Variants in PFKFB3 observed in about 807,000 individuals in gnomAD.
PFKFB3 encodes the protein 6-phosphofructo-2-kinase/fructose-2,6-bisphosphatase 3.
A neutral mutation model predicts 68.0 loss-of-function variants in PFKFB3; 33 were observed. The ratio of observed to expected loss-of-function variants is 0.49; its 90% confidence interval spans 0.37 to 0.65. PFKFB3 has a LOEUF of 0.65. PFKFB3 is among the 30% of genes least tolerant of loss of function. The probability of loss-of-function intolerance (pLI) is 0.00; values close to 1 mark genes in which losing one functional copy is unlikely to be tolerated. For synonymous variants in PFKFB3, 315 were observed against 288.2 expected (o/e 1.09, Z -0.94); for missense variants, 586 against 712.2 (o/e 0.82, Z 2.02).
intron 13 of PFKFB3, chr10:6,224,617 A>G (rs1048849783): frequency 7.9e-6 from 3 of 377,574 alleles, no homozygotes; most frequent in African/African-American, 6.4e-5. Context: ...CGTAGCTGAG[A>G]CTACAGGTGC....
chr10:6,265,600 C>A, the PFKFB3 span, among the ~76,000 whole-genome samples: 2 of 152,088 alleles, frequency 1.3e-5, no homozygotes, highest in Admixed American at 6.6e-5. Context: ...CTGCCTCTTG[C>A]GGGTAATTAT....
At chr10:6,281,166 C>CATATATATATATATATATATATATATAT in the PFKFB3 span, among the ~76,000 whole-genome samples, 10 of 84,528 alleles carry the variant, frequency 1.2e-4, no homozygotes, top group African/African-American at 2.5e-4. Flanking sequence ...AGTATTCCAT[C>CATATATATATATATATATATATATATAT]ATATATATAT....
At chr10:6,300,143 G>A in the PFKFB3 span, among the ~76,000 whole-genome samples, 1 of 151,854 alleles carries the variant, frequency 6.6e-6, no homozygotes, top group Non-Finnish European at 1.5e-5. Context: ...TGGGTGCCTT[G>A]TTTGTCTCTT....
At chr10:6,293,849 C>T in the PFKFB3 span, 2 of 393,132 alleles carry the variant, frequency 5.1e-6, no homozygotes, top group South Asian at 2.3e-5. Flanking sequence ...AATCTCAGAC[C>T]AACCAATAAG....
the PFKFB3 span, among the ~76,000 whole-genome samples, chr10:6,322,906 G>T: frequency 2.4e-3 from 362 of 152,150 alleles, 2 homozygotes; most frequent in African/African-American, 8.5e-3. Flanking sequence ...CTTGTTTATT[G>T]TCAGTCTTTG....
intron 1 of PFKFB3, among the ~76,000 whole-genome samples, chr10:6,177,629 A>G (rs954364625): frequency 3.3e-5 from 5 of 149,520 alleles, no homozygotes; most frequent in African/African-American, 1.2e-4. Flanking sequence ...GGGTTCAAGC[A>G]ATTCTCCTGC....
chr10:6,224,356 C>G, intron 13 of PFKFB3, 143 bp downstream of exon 13: 1 of 706,520 alleles, frequency 1.4e-6, no homozygotes, highest in East Asian at 2.7e-5. Flanking sequence ...CCTTCCTCAG[C>G]ACCTCTTTGT....
At chr10:6,157,571 C>A (rs1249636662) in intron 1 of PFKFB3, among the ~76,000 whole-genome samples, 1 of 151,732 alleles carries the variant, frequency 6.6e-6, no homozygotes, top group African/African-American at 2.4e-5. Flanking sequence ...TGAACGTCAT[C>A]TGTTTATAAT....
At chr10:6,193,698 T>C (rs1477088536) in intron 1 of PFKFB3, among the ~76,000 whole-genome samples, 2 of 152,154 alleles carry the variant, frequency 1.3e-5, no homozygotes, top group Non-Finnish European at 1.5e-5. Flanking sequence ...TTGGTTCTTA[T>C]AGGTTTTGGG....
At chr10:6,287,083 T>C in the PFKFB3 span, among the ~76,000 whole-genome samples, 1 of 152,106 alleles carries the variant, frequency 6.6e-6, no homozygotes, top group African/African-American at 2.4e-5. Context: ...TATAATACTG[T>C]TTTTTTGTTT....
downstream of PFKFB3, among the ~76,000 whole-genome samples, chr10:6,257,979 A>G (rs10752259): frequency 0.94 from 142,825 of 152,062 alleles, 67,743 homozygotes; most frequent in East Asian, 1. Context: ...TATAGGGGTC[A>G]ACACCTAAAG....
Position 6,220,883 on chromosome 10 carries a change from G to T in PFKFB3, c.831+18G>T, listed in dbSNP as rs370851296. The T allele has an allele frequency of 6.2e-7, 1 of 1,606,640 alleles. No homozygotes were observed. Among genetic ancestry groups the T allele is most frequent in the African/African-American group, 1.3e-5 (1 of 75,028 alleles). ...GCAAGAAGGTGCGGGGTGTGCTGCC[G>T]CATGGGCCGTTCTGGCTGTAGGGCG... On this transcript the variant is annotated intron_variant, in intron 8 of 14. Coordinates refer to ENST00000379775, the MANE Select transcript of PFKFB3 (RefSeq NM_004566.4). The surrounding 1 kb of genome is among the most constrained non-coding windows in gnomAD (Gnocchi z 4.1).
intron 14 of PFKFB3, among the ~76,000 whole-genome samples, chr10:6,243,561 C>T (rs1846188032): frequency 6.6e-6 from 1 of 152,224 alleles, no homozygotes; most frequent in African/African-American, 2.4e-5. Context: ...TCCTGCAACG[C>T]TCCCCATAGA....
chr10:6,161,543 T>C (rs1588399011), intron 1 of PFKFB3, among the ~76,000 whole-genome samples: 1 of 151,872 alleles, frequency 6.6e-6, no homozygotes, highest in Admixed American at 6.6e-5. Flanking sequence ...TATACACACA[T>C]ATGTATATAT....
intron 6 of PFKFB3, 139 bp from the exon 7 acceptor site, chr10:6,219,430 C>A: frequency 1.1e-6 from 1 of 873,508 alleles, no homozygotes; most frequent in Non-Finnish European, 1.8e-6. Context: ...ATCTTTCTCC[C>A]TTTCTCTTAC....
chr10:6,305,002 G>T, the PFKFB3 span, among the ~76,000 whole-genome samples: 1 of 40,086 alleles, frequency 2.5e-5, no homozygotes, highest in East Asian at 1.3e-3. Flanking sequence ...AAAAATATTA[G>T]GAATTTTTTT....
chr10:6,147,176 A>ACAGC (rs1219581789), intron 1 of PFKFB3, among the ~76,000 whole-genome samples: 1 of 152,240 alleles, frequency 6.6e-6, no homozygotes, highest in African/African-American at 2.4e-5. Flanking sequence ...CCTGTGAGGG[A>ACAGC]CAGCACGGCA....
At chr10:6,308,068 A>C in the PFKFB3 span, among the ~76,000 whole-genome samples, 1 of 152,226 alleles carries the variant, frequency 6.6e-6, no homozygotes, top group South Asian at 2.1e-4. Flanking sequence ...CTCCAGAATT[A>C]CATTTCCTTT....
intron 1 of PFKFB3, among the ~76,000 whole-genome samples, chr10:6,210,010 C>T (rs111593060): frequency 4.1e-5 from 6 of 147,830 alleles, no homozygotes; most frequent in African/African-American, 1.2e-4. Flanking sequence ...CCTCGGCCTC[C>T]CAAAGTGCTG....
Sources: gnomAD v4.1 joint callset for allele counts (sites outside exome capture counted in the v4.1 genomes callset) on GRCh38, gnomAD v4.1.1 for gene constraint, Gnocchi (gnomAD v3.1) non-coding constraint, MANE v1.5 for transcripts, NCBI Gene and HGNC (gene_info 2026-07-23, HGNC 2026-07-21) for gene names.